GMDS: variants seen among roughly 807,000 people sequenced by gnomAD.
GMDS encodes GDP-mannose 4,6 dehydratase.
Under a neutral mutation model 49.9 loss-of-function variants are expected in GMDS, and 20 were observed. That is an observed-to-expected ratio of 0.40 (90% CI 0.28 to 0.58). The LOEUF is 0.58. GMDS is among the 20% of genes least tolerant of loss of function. The pLI is 0.42. For missense variants in GMDS, 362 were observed against 481.4 expected, an observed-to-expected ratio of 0.75 and a Z score of 2.32; for synonymous variants, 177 against 178.6, an observed-to-expected ratio of 0.99 and a Z score of 0.07.
At chr6:1,788,873 A>G (rs186422643) in intron 7 of GMDS, among the ~76,000 whole-genome samples, 123 of 152,314 alleles carry the variant, frequency 8.1e-4, no homozygotes, top group African/African-American at 2.9e-3. Flanking sequence ...TTCTGCTGCT[A>G]CCCACCTGGA....
At chr6:2,060,104 C>T (rs1332187703) in intron 4 of GMDS, among the ~76,000 whole-genome samples, 1 of 152,144 alleles carries the variant, frequency 6.6e-6, no homozygotes, top group Admixed American at 6.5e-5. Context: ...AGTCATTAAA[C>T]CACAGAAGGG....
At chr6:2,154,827 A>G (rs900298498) in intron 1 of GMDS, among the ~76,000 whole-genome samples, 2 of 148,946 alleles carry the variant, frequency 1.3e-5, no homozygotes, top group Non-Finnish European at 3.0e-5. Flanking sequence ...ATTTGGCTAA[A>G]GACGAGTTCA....
At chr6:1,756,158 A>T (rs1267559158) in intron 7 of GMDS, among the ~76,000 whole-genome samples, 1 of 152,254 alleles carries the variant, frequency 6.6e-6, no homozygotes, top group African/African-American at 2.4e-5. Flanking sequence ...TAAATAATGT[A>T]TGAAAGAAGC....
intron 1 of GMDS, among the ~76,000 whole-genome samples, chr6:2,239,338 A>AC (rs1448557146): frequency 6.6e-6 from 1 of 152,068 alleles, no homozygotes; most frequent in African/African-American, 2.4e-5. Context: ...TCAAAAAAAA[A>AC]AAAAAAAAAT....
At chr6:1,976,717 T>C (rs2127336256) in intron 4 of GMDS, among the ~76,000 whole-genome samples, 1 of 152,376 alleles carries the variant, frequency 6.6e-6, no homozygotes, top group East Asian at 1.9e-4. Flanking sequence ...TGTTTAGTAG[T>C]ATTAAACATT....
At chr6:2,232,846 C>A (rs1781174214) in intron 1 of GMDS, among the ~76,000 whole-genome samples, 1 of 152,260 alleles carries the variant, frequency 6.6e-6, no homozygotes, top group African/African-American at 2.4e-5. Context: ...CTTCCATAAC[C>A]ACACTACTCC....
intron 1 of GMDS, among the ~76,000 whole-genome samples, chr6:2,197,456 G>T (rs1216506484): frequency 6.6e-6 from 1 of 152,194 alleles, no homozygotes; most frequent in Non-Finnish European, 1.5e-5. Context: ...TGTTTCTCCA[G>T]CTCCACTGCC....
chr6:1,710,106 C>A (rs1023070483), intron 9 of GMDS, among the ~76,000 whole-genome samples: 11 of 152,124 alleles, frequency 7.2e-5, no homozygotes. Context: ...AAGTCAGAGC[C>A]CGTGCTACAG....
chr6:1,652,625 T>TATATATAATATA, intron 9 of GMDS, among the ~76,000 whole-genome samples: 2 of 3,582 alleles, frequency 5.6e-4, no homozygotes, highest in African/African-American at 1.6e-3. Context: ...ATATATATTA[T>TATATATAATATA]TTATATATAA....
At chr6:1,681,825 A>G (rs1764802396) in intron 9 of GMDS, among the ~76,000 whole-genome samples, 1 of 152,220 alleles carries the variant, frequency 6.6e-6, no homozygotes, top group Non-Finnish European at 1.5e-5. Flanking sequence ...CCTCCTGAGT[A>G]GATGGGACTA....
chr6:1,908,017 T>C (rs1025960479), intron 7 of GMDS, among the ~76,000 whole-genome samples: 2 of 152,178 alleles, frequency 1.3e-5, no homozygotes, highest in African/African-American at 4.8e-5. Flanking sequence ...GATAACAATA[T>C]GCCAGCATCA....
chr6:2,093,158 T>C (rs1021787747), intron 4 of GMDS, among the ~76,000 whole-genome samples: 12 of 152,222 alleles, frequency 7.9e-5, no homozygotes, highest in Admixed American at 7.9e-4. Context: ...CTACACGGAC[T>C]GTGAATTAAG....
intron 4 of GMDS, among the ~76,000 whole-genome samples, chr6:2,064,721 T>C (rs888801025): frequency 1.3e-5 from 2 of 152,178 alleles, no homozygotes; most frequent in African/African-American, 2.4e-5. Flanking sequence ...GGTCAGTTAA[T>C]GAAGCTGGCA....
intron 1 of GMDS, among the ~76,000 whole-genome samples, chr6:2,242,302 T>G (rs556526013): frequency 6.6e-6 from 1 of 152,212 alleles, no homozygotes; most frequent in East Asian, 1.9e-4. Flanking sequence ...CCAATGGGGG[T>G]GAGCTTTTAA....
At chr6:2,017,197 C>T (rs193023455) in intron 4 of GMDS, among the ~76,000 whole-genome samples, 95 of 152,034 alleles carry the variant, frequency 6.2e-4, no homozygotes, top group Non-Finnish European at 1.0e-3. Context: ...AGGAGAGGAG[C>T]GTGGACACAA....
chr6:1,781,467 G>C (rs749661468), intron 7 of GMDS, among the ~76,000 whole-genome samples: 1 of 152,170 alleles, frequency 6.6e-6, no homozygotes, highest in Non-Finnish European at 1.5e-5. Context: ...TGACTCTGCC[G>C]AGCCTTCTGC....
chr6:1,926,583 G>A (rs940350822), intron 7 of GMDS, among the ~76,000 whole-genome samples: 1 of 152,162 alleles, frequency 6.6e-6, no homozygotes, highest in Non-Finnish European at 1.5e-5. Flanking sequence ...CAGTGTCAGG[G>A]TGCATGTGTG....
At chr6:1,941,418 G>A (rs1233109167) in intron 6 of GMDS, among the ~76,000 whole-genome samples, 2 of 152,138 alleles carry the variant, frequency 1.3e-5, no homozygotes, top group East Asian at 1.9e-4. Context: ...GCAAGGACAC[G>A]GGAGTATCCT....
intron 7 of GMDS, among the ~76,000 whole-genome samples, chr6:1,896,839 A>C (rs1269552599): frequency 1.3e-5 from 2 of 152,200 alleles, no homozygotes; most frequent in Non-Finnish European, 2.9e-5. Flanking sequence ...TTTTCCGGTT[A>C]AGATAACAAG....
Sources: allele counts gnomAD v4.1 joint callset (sites outside exome capture counted in the v4.1 genomes callset), GRCh38; gene constraint gnomAD v4.1.1; transcripts MANE v1.5; gene names NCBI Gene and HGNC (gene_info 2026-07-23, HGNC 2026-07-21).